The following TGFBR2 variants were observed in gnomAD, a reference collection of about 807,000 sequenced individuals.
TGFBR2 encodes the protein transforming growth factor beta receptor 2.
A neutral mutation model predicts 49.0 loss-of-function variants in TGFBR2; 18 were observed. The observed-to-expected ratio is 0.37, with a 90% confidence interval of 0.25 to 0.54. TGFBR2 has a LOEUF of 0.54. Among genes scored for constraint, TGFBR2 ranks in the 20% least tolerant of loss-of-function variants. The pLI is 0.85. For missense variants in TGFBR2, 525 were observed against 722.6 expected, an observed-to-expected ratio of 0.73 and a Z score of 3.13; for synonymous variants, 282 against 275.9, an observed-to-expected ratio of 1.02 and a Z score of -0.22.
chr3:30,611,115 G>T (rs140617824), intron 1 of TGFBR2, among the ~76,000 whole-genome samples: 3 of 152,142 alleles, frequency 2.0e-5, no homozygotes, highest in African/African-American at 7.2e-5. Context: ...ATATCTTTAC[G>T]TAACTCTCTT....
At chr3:30,668,377 G>A (rs1699278660) in intron 3 of TGFBR2, among the ~76,000 whole-genome samples, 1 of 152,094 alleles carries the variant, frequency 6.6e-6, no homozygotes, top group Admixed American at 6.6e-5. Flanking sequence ...GAGACAAGTG[G>A]GTACTTCAAG....
intron 1 of TGFBR2, among the ~76,000 whole-genome samples, chr3:30,633,555 G>T (rs1296354376): frequency 1.3e-5 from 2 of 152,124 alleles, no homozygotes; most frequent in Non-Finnish European, 2.9e-5. Flanking sequence ...AAACATTCAG[G>T]TGGCCACAGG....
chr3:30,645,533 T>C (rs967508873), intron 2 of TGFBR2, among the ~76,000 whole-genome samples: 1 of 145,964 alleles, frequency 6.9e-6, no homozygotes, highest in Non-Finnish European at 1.5e-5. Flanking sequence ...TCATTCAGGC[T>C]AGAGTGCCAT....
chr3:30,660,096 A>T (rs1699091587), intron 3 of TGFBR2, among the ~76,000 whole-genome samples: 1 of 152,168 alleles, frequency 6.6e-6, no homozygotes. Flanking sequence ...TTTTAAAAAC[A>T]TGTTAACTTT....
Position 30,672,688 on chromosome 3 carries a change from C to CA in TGFBR2, c.1254+253dup, listed in dbSNP as rs1450408857. Among the ~76,000 whole-genome samples the CA allele has an allele frequency of 6.6e-6, 1 of 152,324 alleles. No homozygotes were observed. The highest frequency in any genetic ancestry group is 2.4e-5 in the African/African-American group (1 of 41,578). On this transcript the variant is annotated intron_variant, in intron 4 of 6. Transcript: ENST00000295754. The surrounding 1 kb of genome is among the most constrained non-coding windows in gnomAD (Gnocchi z 4.5). ...TTCAGCACATTTTTTCCTCCTGGAT[C>CA]AATCCTCATTTCTCTTCCAGCAAAT...
intron 6 of TGFBR2, 148 bp downstream of exon 6, chr3:30,688,659 C>T: frequency 2.7e-6 from 3 of 1,123,492 alleles, no homozygotes; most frequent in South Asian, 2.7e-5. Context: ...AAGCAAATTT[C>T]AATACAGTGG....
At chr3:30,632,278 C>T (rs985720424) in intron 1 of TGFBR2, among the ~76,000 whole-genome samples, 1 of 152,172 alleles carries the variant, frequency 6.6e-6, no homozygotes, top group African/African-American at 2.4e-5. Flanking sequence ...CTAAGTGTCT[C>T]AAAGCCAAAG....
At chr3:30,674,873 GT>G (rs981342463) in intron 5 of TGFBR2, among the ~76,000 whole-genome samples, 124 of 148,776 alleles carry the variant, frequency 8.3e-4, no homozygotes, top group South Asian at 4.7e-3. Flanking sequence ...GCCACCTACT[GT>G]TTTTTTTTTC....
In TGFBR2 at chr3:30,668,753, A is replaced by G. The variant is rs550698991; in HGVS notation, c.455-2885A>G. ...CCCTATACTTTTAAAATGCATTCAT[A>G]TATCTTTCCAAAAAATGGTGATTTT... On this transcript the variant is annotated intron_variant, in intron 3 of 6. Transcript: ENST00000295754. Among the ~76,000 whole-genome samples the G allele has an allele frequency of 7.2e-5, 11 of 151,946 alleles. No homozygotes were observed. In the East Asian group the frequency reaches 1.4e-3, roughly 19 times the overall value.
chr3:30,630,870 C>T (rs6809777), intron 1 of TGFBR2, among the ~76,000 whole-genome samples: 40,439 of 151,786 alleles, frequency 0.27, 5,564 homozygotes, highest in Middle Eastern at 0.3. Flanking sequence ...GGGGCTCTTA[C>T]GAGACATCAG....
chr3:30,625,971 T>C (rs1351861707), intron 1 of TGFBR2, among the ~76,000 whole-genome samples: 1 of 152,208 alleles, frequency 6.6e-6, no homozygotes, highest in African/African-American at 2.4e-5. Context: ...TTTATTTTTC[T>C]AACCCTGGCT....
intron 1 of TGFBR2, among the ~76,000 whole-genome samples, chr3:30,612,507 C>T (rs1698047744): frequency 6.6e-6 from 1 of 152,162 alleles, no homozygotes; most frequent in African/African-American, 2.4e-5. Context: ...ATTTGGTTTG[C>T]TTGCATTATC....
chr3:30,666,645 C>T (rs1161374589), intron 3 of TGFBR2, among the ~76,000 whole-genome samples: 4 of 140,860 alleles, frequency 2.8e-5, no homozygotes, highest in Non-Finnish European at 6.2e-5. Flanking sequence ...CCCCCATCCC[C>T]GCCCGCACAA....
In TGFBR2 at chr3:30,650,444, C is replaced by T. The variant is rs1042058790; in HGVS notation, c.438C>T (p.Asn146=). 3.1e-6 allele frequency: 5 copies of T among 1,613,926 alleles called. No homozygotes were observed. Among genetic ancestry groups the T allele is most frequent in the Non-Finnish European group, 4.2e-6 (5 of 1,179,930 alleles). The change falls in exon 3 of 7, where the codon AAC becomes AAT. Residue 146 remains asparagine, a synonymous_variant. Transcript: ENST00000295754. ...CSCSSDECND[N]IIFSEEYNTS... ...GTAGCTCTGATGAGTGCAATGACAA[C>T]ATCATCTTCTCAGAAGGTGAGTTTT...
intron 3 of TGFBR2, among the ~76,000 whole-genome samples, chr3:30,651,245 G>A (rs1404899034): frequency 1.3e-5 from 2 of 152,188 alleles, no homozygotes; most frequent in African/African-American, 4.8e-5. Context: ...AATTAAAAAT[G>A]AAAGTACATT....
At chr3:30,623,148 G>C in intron 1 of TGFBR2, 1 of 986,484 alleles carries the variant, frequency 1.0e-6, no homozygotes, top group South Asian at 1.4e-5. Context: ...CCTGTCATCT[G>C]TAATTTTAAA....
chr3:30,623,540 T>C (rs372790436), intron 1 of TGFBR2, among the ~76,000 whole-genome samples: 5 of 152,234 alleles, frequency 3.3e-5, no homozygotes, highest in East Asian at 1.9e-4. Flanking sequence ...AACTATGTAA[T>C]GAGTCATTTT....
intron 1 of TGFBR2, among the ~76,000 whole-genome samples, chr3:30,631,552 G>A (rs1241371046): frequency 6.6e-6 from 1 of 150,648 alleles, no homozygotes; most frequent in Non-Finnish European, 1.5e-5. Flanking sequence ...CAGATTCTCA[G>A]ATTTTGTTTC....
chr3:30,684,940 G>C (rs877572), intron 5 of TGFBR2, among the ~76,000 whole-genome samples: 91,464 of 152,088 alleles, frequency 0.6, 28,074 homozygotes, highest in African/African-American at 0.72. Context: ...ACAATAAATT[G>C]TGTAGTGTTT....
Sources: allele counts gnomAD v4.1 joint callset (sites outside exome capture counted in the v4.1 genomes callset), GRCh38; gene constraint gnomAD v4.1.1; non-coding constraint Gnocchi (gnomAD v3.1); transcripts MANE v1.5; gene names NCBI Gene and HGNC (gene_info 2026-07-23, HGNC 2026-07-21).